Variants in CFAP92 observed in about 807,000 individuals in gnomAD.
CFAP92 encodes the protein cilia and flagella associated protein 92 (putative), also known as uncharacterized protein CFAP92.
Under a neutral mutation model 106.3 loss-of-function variants are expected in CFAP92, and 86 were observed. The ratio of observed to expected loss-of-function variants is 0.81; its 90% confidence interval spans 0.68 to 0.97. The LOEUF is 0.97. CFAP92 is among the 50% of genes least tolerant of loss of function. The pLI, the probability that CFAP92 is intolerant of heterozygous loss-of-function variation, is 0.00. For synonymous variants in CFAP92, 477 were observed against 506.4 expected (o/e 0.94, Z 0.78); for missense variants, 1,204 against 1,283.8 (o/e 0.94, Z 0.95).
chr3:128,959,492 A>T (rs1941702826), intron 9 of CFAP92, among the ~76,000 whole-genome samples: 1 of 152,198 alleles, frequency 6.6e-6, no homozygotes, highest in Non-Finnish European at 1.5e-5. Context: ...TCGAGAAGCT[A>T]CTAGAGGATG....
At chr3:128,950,395 A>G (rs1354726944) in intron 9 of CFAP92, among the ~76,000 whole-genome samples, 2 of 152,250 alleles carry the variant, frequency 1.3e-5, no homozygotes, top group Non-Finnish European at 2.9e-5. Context: ...CAGGGGATTA[A>G]CAGACAGTGG....
intron 4 of CFAP92, among the ~76,000 whole-genome samples, chr3:128,987,021 C>T (rs966413576): frequency 1.3e-5 from 2 of 152,080 alleles, no homozygotes; most frequent in East Asian, 1.9e-4. Flanking sequence ...ATTAGCCGGG[C>T]GTGGTGGCGC....
At chr3:129,013,537 A>G in the CFAP92 span, among the ~76,000 whole-genome samples, 2 of 152,312 alleles carry the variant, frequency 1.3e-5, no homozygotes, top group East Asian at 3.9e-4. Context: ...AGGTAGCAAG[A>G]CAGCTACCAT....
intron 8 of CFAP92, among the ~76,000 whole-genome samples, chr3:128,966,212 C>G (rs1374295306): frequency 6.6e-6 from 1 of 152,240 alleles, no homozygotes; most frequent in Non-Finnish European, 1.5e-5. Flanking sequence ...CCCACACAAG[C>G]CGCATTCCAA....
intron 1 of CFAP92, chr3:129,001,751 C>G: frequency 3.2e-6 from 5 of 1,541,300 alleles, no homozygotes; most frequent in Non-Finnish European, 4.4e-6. Flanking sequence ...ACGGGCTGGA[C>G]CGCGGCGTGG....
At chr3:128,982,429 T>C (rs1943589961) in intron 4 of CFAP92, among the ~76,000 whole-genome samples, 1 of 152,246 alleles carries the variant, frequency 6.6e-6, no homozygotes, top group Admixed American at 6.5e-5. Context: ...CAGTTAATAT[T>C]GTGGCTGGTG....
intron 11 of CFAP92, 68 bp from the exon 12 acceptor site, chr3:128,933,065 C>A: frequency 7.1e-7 from 1 of 1,404,960 alleles, no homozygotes; most frequent in Non-Finnish European, 9.7e-7. Context: ...TCACTCCCAT[C>A]CTACAGCAGG....
chr3:128,944,906 T>G (rs1940052754), intron 10 of CFAP92, among the ~76,000 whole-genome samples, 165 bp downstream of exon 10: 1 of 151,910 alleles, frequency 6.6e-6, no homozygotes, highest in Non-Finnish European at 1.5e-5. Context: ...GCCAATCGAG[T>G]CTTCAAGTCC....
intron 10 of CFAP92, among the ~76,000 whole-genome samples, chr3:128,939,843 T>C (rs1939454488): frequency 6.6e-6 from 1 of 152,190 alleles, no homozygotes; most frequent in South Asian, 2.1e-4. Flanking sequence ...TTCACAAAAG[T>C]GTTCCCGCTC....
At chr3:128,911,966 C>T (rs544915059) in intron 15 of CFAP92, among the ~76,000 whole-genome samples, 8 of 152,342 alleles carry the variant, frequency 5.3e-5, no homozygotes, top group African/African-American at 1.4e-4. Context: ...TATAGCCACT[C>T]GACCATATCT....
the CFAP92 span, among the ~76,000 whole-genome samples, chr3:129,017,493 CT>C: frequency 6.6e-6 from 1 of 152,230 alleles, no homozygotes; most frequent in Non-Finnish European, 1.5e-5. Context: ...TCTGGACCCC[CT>C]GGGAAAGCCC....
chr3:128,910,015 T>A lies in CFAP92; in HGVS notation c.*284A>T, dbSNP rs754414695. 9.3e-6 allele frequency: 15 copies of A among 1,613,206 alleles called. 1 individual carries two copies. The highest frequency in any genetic ancestry group is 8.8e-5 in the South Asian group (8 of 90,714). On this transcript the variant is annotated 3_prime_UTR_variant, in exon 16 of 16. Coordinates refer to ENST00000645291, the MANE Select transcript of CFAP92 (RefSeq NM_001394090.1). ...GAGTCCCCACTTGGAGCCTCTGTGATCCCAGACCATCATGGAGGAGCAGCT... is the reference window on the plus strand; with the variant it reads ...GAGTCCCCACTTGGAGCCTCTGTGAACCCAGACCATCATGGAGGAGCAGCT...
chr3:128,940,937 G>A (rs1370927458), intron 10 of CFAP92, among the ~76,000 whole-genome samples: 1 of 152,094 alleles, frequency 6.6e-6, no homozygotes, highest in Non-Finnish European at 1.5e-5. Flanking sequence ...TAAAATCAAT[G>A]TCCATACTTT....
intron 3 of CFAP92, among the ~76,000 whole-genome samples, chr3:128,988,487 CAA>C (rs1944000738): frequency 1.3e-5 from 2 of 151,526 alleles, no homozygotes; most frequent in South Asian, 4.2e-4. Context: ...TTGTGGTGAG[CAA>C]AGATTGCACC....
At position 128,916,114 on chromosome 3, in the gene CFAP92, A is replaced by C; in HGVS notation, c.2909T>G (p.Ile970Arg). The change falls in exon 13 of 16, where the codon ATA becomes AGA. Residue 970 changes from isoleucine to arginine, a missense_variant. Coordinates refer to ENST00000645291, the MANE Select transcript of CFAP92 (RefSeq NM_001394090.1). ...ELAKKELYQE[I>R]AKEPRKRFTY... is the part of the protein sequence containing the mutation. ...CCTGTCTGGGTCTCTCACCTTGGCTATCTCTTGATACAGCTCCTTCTTGGC... is the reference window on the plus strand; with the variant it reads ...CCTGTCTGGGTCTCTCACCTTGGCTCTCTCTTGATACAGCTCCTTCTTGGC... 1 of 1,232,288 alleles carries C rather than the reference A, an allele frequency of 8.1e-7. No individual in the cohort carries two copies. Among genetic ancestry groups the C allele is most frequent in the African/African-American group, 1.5e-5 (1 of 64,522 alleles). 76.3% of individuals were successfully genotyped at this position (1,232,288 alleles called of 1,614,324 possible).
chr3:128,998,360 A>T (rs919668221), upstream of CFAP92, among the ~76,000 whole-genome samples: 4 of 152,138 alleles, frequency 2.6e-5, no homozygotes, highest in African/African-American at 7.2e-5. Flanking sequence ...GTATCTAAGA[A>T]ATCTTTGACT....
At chr3:128,930,239 C>T (rs1938209703) in intron 12 of CFAP92, among the ~76,000 whole-genome samples, 1 of 152,110 alleles carries the variant, frequency 6.6e-6, no homozygotes, top group Non-Finnish European at 1.5e-5. Flanking sequence ...CAACCTCTGC[C>T]TCCTGGGTTC....
At chr3:128,913,185 C>T in intron 15 of CFAP92, 2 of 393,446 alleles carry the variant, frequency 5.1e-6, no homozygotes, top group Admixed American at 5.5e-5. Flanking sequence ...CCCTGAGAAC[C>T]ACCCTTTGGT....
intron 3 of CFAP92, 35 bp downstream of exon 3, chr3:128,988,693 A>G: frequency 6.2e-7 from 1 of 1,602,554 alleles, no homozygotes; most frequent in African/African-American, 1.3e-5. Context: ...TGAGCATCAG[A>G]CCATACACAA....
Sources: allele counts gnomAD v4.1 joint callset (sites outside exome capture counted in the v4.1 genomes callset), GRCh38; gene constraint gnomAD v4.1.1; transcripts MANE v1.5; gene names NCBI Gene and HGNC (gene_info 2026-07-23, HGNC 2026-07-21).